Variants in SIPA1L1 observed in about 807,000 individuals in gnomAD.
SIPA1L1 encodes signal induced proliferation associated 1 like 1, also known as signal-induced proliferation-associated 1-like protein 1.
Under a neutral mutation model 162.7 loss-of-function variants are expected in SIPA1L1, and 26 were observed. That is an observed-to-expected ratio of 0.16 (90% confidence interval 0.12 to 0.22). The LOEUF is 0.22. Ranked by LOEUF, SIPA1L1 falls within the 10% of genes least tolerant of loss-of-function variation. SIPA1L1 has a pLI of 1.00. For missense variants in SIPA1L1, 1,874 were observed against 2,241.0 expected, an observed-to-expected ratio of 0.84 and a Z score of 3.31; for synonymous variants, 829 against 837.4, an observed-to-expected ratio of 0.99 and a Z score of 0.17.
At chr14:71,345,744 A>G (rs1429098241) in intron 2 of SIPA1L1, among the ~76,000 whole-genome samples, 1 of 149,680 alleles carries the variant, frequency 6.7e-6, no homozygotes, top group Non-Finnish European at 1.5e-5. Flanking sequence ...ATTTTTTTGT[A>G]TTTTTAGTAG....
At chr14:71,537,406 T>C (rs1207156689) in intron 4 of SIPA1L1, among the ~76,000 whole-genome samples, 1 of 152,094 alleles carries the variant, frequency 6.6e-6, no homozygotes, top group African/African-American at 2.4e-5. Context: ...GGTTTCACCA[T>C]ATTGGCCAGG....
At chr14:71,456,933 C>T (rs2046226309) in intron 2 of SIPA1L1, among the ~76,000 whole-genome samples, 1 of 152,068 alleles carries the variant, frequency 6.6e-6, no homozygotes, top group African/African-American at 2.4e-5. Context: ...ATCTGAAATC[C>T]AAATTTCTCT....
intron 13 of SIPA1L1, among the ~76,000 whole-genome samples, chr14:71,686,479 A>G (rs759671926): frequency 1.3e-5 from 2 of 152,246 alleles, no homozygotes; most frequent in Non-Finnish European, 2.9e-5. Flanking sequence ...AATCATGTAC[A>G]CTAAAGCAGT....
intron 2 of SIPA1L1, among the ~76,000 whole-genome samples, chr14:71,359,291 C>A (rs1390867928): frequency 1.3e-5 from 2 of 152,216 alleles, no homozygotes; most frequent in Non-Finnish European, 2.9e-5. Context: ...TCTTCCTTCA[C>A]CTTCCGCCAT....
chr14:71,326,264 AGTGGCAT>A (rs2033790713), intron 2 of SIPA1L1, among the ~76,000 whole-genome samples: 2 of 148,266 alleles, frequency 1.3e-5, no homozygotes, highest in South Asian at 4.2e-4. Flanking sequence ...GCTGGAGTGC[AGTGGCAT>A]GACCTCGGCT....
chr14:71,526,297 A>G (rs1330914477), intron 3 of SIPA1L1, among the ~76,000 whole-genome samples: 1 of 152,114 alleles, frequency 6.6e-6, no homozygotes, highest in African/African-American at 2.4e-5. Flanking sequence ...AAATCAGGGA[A>G]TCTAATATTA....
intron 2 of SIPA1L1, among the ~76,000 whole-genome samples, chr14:71,438,375 C>G (rs979007909): frequency 1.3e-5 from 2 of 152,160 alleles, no homozygotes; most frequent in Admixed American, 6.6e-5. Context: ...TCCCCTGTGG[C>G]CTTCCTGCTC....
chr14:71,546,203 C>T (rs756796522), intron 4 of SIPA1L1, among the ~76,000 whole-genome samples: 6 of 152,022 alleles, frequency 3.9e-5, no homozygotes, highest in South Asian at 2.1e-4. Flanking sequence ...GTTCAATCTA[C>T]ATATTAAGCT....
At chr14:71,684,556 C>T (rs1479858751) in intron 12 of SIPA1L1, among the ~76,000 whole-genome samples, 1 of 152,266 alleles carries the variant, frequency 6.6e-6, no homozygotes, top group African/African-American at 2.4e-5. Flanking sequence ...TGCTCGTACA[C>T]CCTTTCGGAG....
At chr14:71,433,879 A>G (rs951035237) in intron 2 of SIPA1L1, among the ~76,000 whole-genome samples, 2 of 152,162 alleles carry the variant, frequency 1.3e-5, no homozygotes, top group African/African-American at 2.4e-5. Flanking sequence ...TATCTTATCT[A>G]TCTTTATATT....
At chr14:71,671,090 C>T (rs2149364982) in intron 10 of SIPA1L1, 29 bp from the exon 11 acceptor site, 13 of 1,512,064 alleles carry the variant, frequency 8.6e-6, no homozygotes, top group Middle Eastern at 1.8e-4. Flanking sequence ...GAAATACTGA[C>T]GTGGCTCTCT....
At chr14:71,712,921 T>C (rs771103472) in intron 17 of SIPA1L1, among the ~76,000 whole-genome samples, 2 of 152,202 alleles carry the variant, frequency 1.3e-5, no homozygotes, top group African/African-American at 2.4e-5. Context: ...TACCCACTTA[T>C]GCGATCACAT....
In SIPA1L1 at chr14:71,623,601, G is replaced by C. The variant is rs577256821; in HGVS notation, c.1630-447G>C. ...ATGCTTGTCAGCCATGCCTTATGAA[G>C]CTTAAAACTTTATCTCCCCCTTTTT... On this transcript the variant is annotated intron_variant, in intron 6 of 23. Coordinates refer to ENST00000381232, the MANE Select transcript of SIPA1L1 (RefSeq NM_001386936.1). 2.0e-5 allele frequency among the ~76,000 whole-genome samples: 3 copies of C among 152,282 alleles called. No individual in the cohort carries two copies. In the East Asian group the frequency reaches 5.8e-4, roughly 29 times the overall value.
Position 71,383,499 on chromosome 14 carries a change from T to C in SIPA1L1, c.-465+62318T>C, listed in dbSNP as rs1595137823. ...ACTGCCTTTGAAATGCCTTTTTCAC[T>C]GTGTTAGTTTATTTTTGCATTGCTA... On this transcript the variant is annotated intron_variant, in intron 2 of 23. Coordinates refer to ENST00000381232, the MANE Select transcript of SIPA1L1 (RefSeq NM_001386936.1). Among the ~76,000 whole-genome samples the C allele has an allele frequency of 3.3e-5, 5 of 152,370 alleles. No homozygotes were observed. In the South Asian group the frequency reaches 1.0e-3, roughly 32 times the overall value.
intron 12 of SIPA1L1, among the ~76,000 whole-genome samples, chr14:71,674,596 G>A (rs2044906568): frequency 1.5e-5 from 2 of 137,810 alleles, no homozygotes; most frequent in Admixed American, 1.5e-4. Context: ...ACGGAGTCTC[G>A]CTCTGTCGCC....
chr14:71,625,009 G>C (rs993302554), intron 7 of SIPA1L1, among the ~76,000 whole-genome samples: 3 of 152,040 alleles, frequency 2.0e-5, no homozygotes, highest in Non-Finnish European at 4.4e-5. Context: ...TTGCATCCTA[G>C]TAGTGGGTGG....
At chr14:71,549,491 T>C (rs1371811165) in intron 4 of SIPA1L1, among the ~76,000 whole-genome samples, 1 of 152,164 alleles carries the variant, frequency 6.6e-6, no homozygotes, top group Non-Finnish European at 1.5e-5. Flanking sequence ...TATTTCTGCC[T>C]AGATTGGCCA....
chr14:71,674,316 G>A (rs1291278755), intron 12 of SIPA1L1, among the ~76,000 whole-genome samples: 6 of 152,070 alleles, frequency 3.9e-5, no homozygotes, highest in South Asian at 2.1e-4. Flanking sequence ...TACAGACATC[G>A]AAATTGGAAA....
rs774203389 is a variant in SIPA1L1 at position 71,702,428 on chromosome 14, C to A, written c.3569C>A (p.Thr1190Asn). Residue 1190 changes from threonine to asparagine, a missense_variant, in exon 15 of 24, where the codon ACC becomes AAC. Around this residue, in one of 5 missense-constraint regions of SIPA1L1, gnomAD observed 936 missense variants for 1,051.9 expected, o/e 0.89. Coordinates refer to ENST00000381232, the MANE Select transcript of SIPA1L1 (RefSeq NM_001386936.1). ...RSPASIDRQN[T>N]QSDIGGSGKS... is the part of the protein sequence containing the mutation. ...CCAGCCTCCATTGACAGGCAGAACA[C>A]CCAGTCAGATATTGGTGGCAGCGGA... 1 of 1,614,040 alleles carries A rather than the reference C, an allele frequency of 6.2e-7. No homozygotes were observed. Among genetic ancestry groups the A allele is most frequent in the Non-Finnish European group, 8.5e-7 (1 of 1,179,882 alleles).
Sources: allele counts gnomAD v4.1 joint callset (sites outside exome capture counted in the v4.1 genomes callset), GRCh38; gene constraint gnomAD v4.1.1; regional missense constraint gnomAD v4.1.1; transcripts MANE v1.5; gene names NCBI Gene and HGNC (gene_info 2026-07-23, HGNC 2026-07-21).